ZEB1: variants seen among roughly 807,000 people sequenced by gnomAD.
ZEB1 encodes zinc finger E-box binding homeobox 1, also known as zinc finger E-box-binding homeobox 1.
A neutral mutation model predicts 84.9 loss-of-function variants in ZEB1; 21 were observed. The ratio of observed to expected loss-of-function variants is 0.25; its 90% CI spans 0.18 to 0.36. The LOEUF (loss-of-function observed/expected upper bound fraction) is 0.36. Among genes scored for constraint, ZEB1 ranks in the 10% least tolerant of loss-of-function variants. The pLI, the probability that ZEB1 is intolerant of heterozygous loss-of-function variation, is 1.00. For synonymous variants in ZEB1, 420 were observed against 471.1 expected (o/e 0.89, Z 1.41); for missense variants, 1,104 against 1,330.2 (o/e 0.83, Z 2.65).
intron 1 of ZEB1, chr10:31,321,399 A>T (rs952064495): frequency 2.7e-5 from 44 of 1,600,812 alleles, no homozygotes; most frequent in Non-Finnish European, 3.6e-5. Flanking sequence ...TGGTATTCTC[A>T]TTGTGGAGAG....
chr10:31,417,297 A>G (rs1225574891), intron 1 of ZEB1, among the ~76,000 whole-genome samples: 1 of 152,108 alleles, frequency 6.6e-6, no homozygotes, highest in African/African-American at 2.4e-5. Context: ...GTCCTAGTGC[A>G]TCATCTTTCC....
intron 1 of ZEB1, among the ~76,000 whole-genome samples, chr10:31,432,621 C>T (rs1490326114): frequency 1.3e-5 from 2 of 152,062 alleles, no homozygotes; most frequent in African/African-American, 2.4e-5. Flanking sequence ...TGAATAGATA[C>T]ATTTGATTAG....
At chr10:31,421,731 G>C (rs567089939) in intron 1 of ZEB1, among the ~76,000 whole-genome samples, 1 of 152,016 alleles carries the variant, frequency 6.6e-6, no homozygotes, top group African/African-American at 2.4e-5. Context: ...TCTCTACCTG[G>C]ATTGAAGTTG....
intron 1 of ZEB1, among the ~76,000 whole-genome samples, chr10:31,436,768 A>G (rs947213266): frequency 6.6e-6 from 1 of 152,148 alleles, no homozygotes; most frequent in African/African-American, 2.4e-5. Context: ...GACAGGTCAT[A>G]ATTTCTTTAA....
chr10:31,461,378 CT>C, intron 2 of ZEB1, 141 bp downstream of exon 2: 1 of 831,622 alleles, frequency 1.2e-6, no homozygotes, highest in Non-Finnish European at 1.9e-6. Context: ...GTCCTACTTA[CT>C]AAAAAGTGGA....
chr10:31,523,701 A>G (rs1361562130), intron 7 of ZEB1, among the ~76,000 whole-genome samples: 1 of 152,090 alleles, frequency 6.6e-6, no homozygotes, highest in South Asian at 2.1e-4. Flanking sequence ...TGTCTTTGCT[A>G]TGGTTTTGAC....
intron 2 of ZEB1, among the ~76,000 whole-genome samples, chr10:31,467,246 C>T (rs958701873): frequency 6.6e-6 from 1 of 152,116 alleles, no homozygotes; most frequent in African/African-American, 2.4e-5. Context: ...TGCCTGGAGA[C>T]CATACAGAGG....
intron 1 of ZEB1, among the ~76,000 whole-genome samples, chr10:31,413,934 G>C (rs2054748080): frequency 6.6e-6 from 1 of 152,156 alleles, no homozygotes; most frequent in Admixed American, 6.6e-5. Context: ...ATGCATTAGA[G>C]CTTGTCCATA....
In ZEB1 at chr10:31,527,471, C is replaced by A; in HGVS notation, c.*207C>A. Reference sequence around the variant, plus strand: ...CACACACAAAATAAATCCGGGTGTGCCTGAACCTCAGACCTAGTAATTTTT... The same window carrying A: ...CACACACAAAATAAATCCGGGTGTGACTGAACCTCAGACCTAGTAATTTTT... On this transcript the variant is annotated 3_prime_UTR_variant, in exon 9 of 9. Coordinates refer to ENST00000424869, the MANE Select transcript of ZEB1 (RefSeq NM_001174096.2). The A allele has an allele frequency of 1.5e-6, 1 of 655,916 alleles. No individual in the cohort carries two copies. Among genetic ancestry groups the A allele is most frequent in the Non-Finnish European group, 2.5e-6 (1 of 405,808 alleles). The allele number at this position is 655,916 out of a possible 1,614,324, so 40.6% of individuals were successfully genotyped here. A position where few individuals can be genotyped will look rare whatever the true frequency, so the allele number is the denominator to read the frequency against.
At chr10:31,330,536 A>C (rs1459742717) in intron 1 of ZEB1, among the ~76,000 whole-genome samples, 1 of 152,148 alleles carries the variant, frequency 6.6e-6, no homozygotes, top group African/African-American at 2.4e-5. Context: ...TTAGCACTAT[A>C]CCAATTCATT....
chr10:31,370,118 ATG>A (rs773027459), intron 1 of ZEB1, among the ~76,000 whole-genome samples: 21 of 152,150 alleles, frequency 1.4e-4, no homozygotes, highest in Non-Finnish European at 2.4e-4. Flanking sequence ...CCCTTATTAA[ATG>A]TATGATTTGC....
chr10:31,444,263 TG>T (rs1181333008), intron 1 of ZEB1, among the ~76,000 whole-genome samples: 6 of 114,626 alleles, frequency 5.2e-5, no homozygotes, highest in African/African-American at 2.1e-4. Flanking sequence ...TGGGGTTGTT[TG>T]TTTTTTTCTT....
intron 2 of ZEB1, among the ~76,000 whole-genome samples, chr10:31,485,407 T>G (rs1183380057): frequency 6.6e-6 from 1 of 151,924 alleles, no homozygotes; most frequent in Admixed American, 6.6e-5. Context: ...GCCAATGTCT[T>G]CACCTAGGAA....
intron 1 of ZEB1, among the ~76,000 whole-genome samples, chr10:31,412,105 TG>T (rs2054405860): frequency 6.6e-6 from 1 of 152,234 alleles, no homozygotes; most frequent in South Asian, 2.1e-4. Flanking sequence ...GCAGATTTAG[TG>T]AAAGTATGTC....
chr10:31,465,897 C>T (rs1347889746), intron 2 of ZEB1, among the ~76,000 whole-genome samples: 1 of 152,004 alleles, frequency 6.6e-6, no homozygotes, highest in East Asian at 1.9e-4. Context: ...CTTATTTTAC[C>T]TTTAAAGATA....
At chr10:31,342,731 G>A (rs2039623060) in intron 1 of ZEB1, among the ~76,000 whole-genome samples, 1 of 152,126 alleles carries the variant, frequency 6.6e-6, no homozygotes, top group Admixed American at 6.5e-5. Flanking sequence ...ATTGAGGTTA[G>A]ATCTGGTTTG....
chr10:31,395,854 T>C (rs2050619333), intron 1 of ZEB1, among the ~76,000 whole-genome samples: 1 of 152,148 alleles, frequency 6.6e-6, no homozygotes, highest in Non-Finnish European at 1.5e-5. Flanking sequence ...AAATAGACTT[T>C]TATGCCAGCC....
chr10:31,319,150 G>T, upstream of ZEB1: 1 of 872,756 alleles, frequency 1.1e-6, no homozygotes, highest in South Asian at 1.5e-5. Flanking sequence ...TGGGGAGGGG[G>T]GAGGGGTGGA....
chr10:31,464,404 G>T (rs1436821547), intron 2 of ZEB1, among the ~76,000 whole-genome samples: 1 of 151,996 alleles, frequency 6.6e-6, no homozygotes, highest in East Asian at 1.9e-4. Context: ...GATACATGAA[G>T]ATTCAATACA....
Sources: allele counts gnomAD v4.1 joint callset (sites outside exome capture counted in the v4.1 genomes callset), GRCh38; gene constraint gnomAD v4.1.1; transcripts MANE v1.5; gene names NCBI Gene and HGNC (gene_info 2026-07-23, HGNC 2026-07-21).